Variants in PCDH9 observed in about 807,000 individuals in gnomAD.
The protein encoded by PCDH9 is protocadherin-9.
PCDH9 carries 24 observed loss-of-function variants against 70.6 expected under a neutral mutation model. That is an observed-to-expected ratio of 0.34 (90% CI 0.25 to 0.48). The LOEUF (loss-of-function observed/expected upper bound fraction) is 0.48. PCDH9 is among the 20% of genes least tolerant of loss of function. The pLI, the probability that PCDH9 is intolerant of heterozygous loss-of-function variation, is 0.99. For synonymous variants in PCDH9, 562 were observed against 558.5 expected (o/e 1.01, Z -0.09); for missense variants, 1,281 against 1,503.6 (o/e 0.85, Z 2.45).
At chr13:67,166,021 CT>C (rs1406765088) in intron 2 of PCDH9, among the ~76,000 whole-genome samples, 1 of 152,094 alleles carries the variant, frequency 6.6e-6, no homozygotes, top group Non-Finnish European at 1.5e-5. Flanking sequence ...CTTTCTAAAT[CT>C]TTTTTTCTCT....
chr13:67,080,409 G>A (rs2085960555), intron 2 of PCDH9, among the ~76,000 whole-genome samples: 2 of 152,114 alleles, frequency 1.3e-5, no homozygotes, highest in Non-Finnish European at 2.9e-5. Flanking sequence ...CAACTTTGGA[G>A]ATTCAATGAG....
intron 2 of PCDH9, among the ~76,000 whole-genome samples, chr13:67,176,920 G>T (rs2088476863): frequency 6.6e-6 from 1 of 151,924 alleles, no homozygotes; most frequent in African/African-American, 2.4e-5. Context: ...TTTGCTGTTG[G>T]GTAAGAAAGA....
Position 66,723,416 on chromosome 13 carries a change from A to G in PCDH9, c.3139-92005T>C, listed in dbSNP as rs2078967351. 2.0e-5 allele frequency among the ~76,000 whole-genome samples: 3 copies of G among 152,232 alleles called. No individual in the cohort carries two copies. The South Asian group carries it at 6.2e-4, about 31-fold the overall frequency. On this transcript the variant is annotated intron_variant, in intron 3 of 4. Transcript: ENST00000377865. The stretch of plus-strand genomic sequence containing the variant: ...AATTTTCAACAGGGCATAGCATTAC[A>G]TTTTACAAATTCAGGGAAGTGATAT...
intron 2 of PCDH9, among the ~76,000 whole-genome samples, chr13:66,963,860 TTATGA>T (rs1458911061): frequency 1.3e-5 from 2 of 152,132 alleles, no homozygotes; most frequent in Admixed American, 1.3e-4. Context: ...ATAGTAACAA[TTATGA>T]TAATGCAAAC....
intron 3 of PCDH9, among the ~76,000 whole-genome samples, chr13:66,724,084 A>C (rs1483832455): frequency 6.6e-6 from 1 of 152,236 alleles, no homozygotes; most frequent in Non-Finnish European, 1.5e-5. Flanking sequence ...TATCAAGTTG[A>C]GTGCGACCAG....
chr13:67,155,077 G>A (rs952775198), intron 2 of PCDH9, among the ~76,000 whole-genome samples: 1 of 151,932 alleles, frequency 6.6e-6, no homozygotes, highest in Non-Finnish European at 1.5e-5. Context: ...CTGTACAGAC[G>A]GTTTTCAATT....
intron 4 of PCDH9, among the ~76,000 whole-genome samples, chr13:66,586,449 C>T (rs1302938380): frequency 6.6e-6 from 1 of 151,952 alleles, no homozygotes; most frequent in Non-Finnish European, 1.5e-5. Flanking sequence ...CACCTATTTG[C>T]CTTTGCAGCA....
intron 3 of PCDH9, among the ~76,000 whole-genome samples, chr13:66,716,533 A>G (rs2078867940): frequency 6.6e-6 from 1 of 152,154 alleles, no homozygotes; most frequent in African/African-American, 2.4e-5. Flanking sequence ...GTAAATAAGG[A>G]GTCAGATCCC....
At chr13:67,057,488 A>G (rs2085446251) in intron 2 of PCDH9, among the ~76,000 whole-genome samples, 1 of 151,964 alleles carries the variant, frequency 6.6e-6, no homozygotes, top group Non-Finnish European at 1.5e-5. Flanking sequence ...TTTCCTGGGG[A>G]GGCATGGCAA....
chr13:66,998,933 C>A (rs1447295641), intron 2 of PCDH9, among the ~76,000 whole-genome samples: 1 of 152,142 alleles, frequency 6.6e-6, no homozygotes, highest in African/African-American at 2.4e-5. Context: ...TAAAGAGCAA[C>A]AAAATACTTC....
At chr13:66,971,519 T>C (rs901255942) in intron 2 of PCDH9, among the ~76,000 whole-genome samples, 6 of 152,032 alleles carry the variant, frequency 3.9e-5, no homozygotes, top group African/African-American at 1.4e-4. Context: ...CACAATATAA[T>C]CTTATTCTGA....
At chr13:66,332,753 G>A (rs1205937765) in intron 4 of PCDH9, among the ~76,000 whole-genome samples, 3 of 151,722 alleles carry the variant, frequency 2.0e-5, no homozygotes, top group African/African-American at 4.8e-5. Flanking sequence ...AGGAGAAGGG[G>A]ACAGAGCAGT....
At chr13:66,457,824 GA>G (rs1789806008) in intron 4 of PCDH9, among the ~76,000 whole-genome samples, 1 of 151,874 alleles carries the variant, frequency 6.6e-6, no homozygotes, top group African/African-American at 2.4e-5. Context: ...AGTTTTCCTT[GA>G]AAAAGTGTTG....
chr13:66,750,524 G>T (rs1429636105), intron 3 of PCDH9, among the ~76,000 whole-genome samples: 1 of 151,810 alleles, frequency 6.6e-6, no homozygotes. Flanking sequence ...CTTTGTGTTT[G>T]TGACAATGCA....
intron 4 of PCDH9, among the ~76,000 whole-genome samples, chr13:66,328,345 T>C (rs1955881369): frequency 3.9e-5 from 6 of 152,148 alleles, no homozygotes. Context: ...AACTAACGAT[T>C]ACCTTGACAC....
intron 2 of PCDH9, among the ~76,000 whole-genome samples, chr13:67,052,496 C>T (rs1002894004): frequency 2.0e-5 from 3 of 151,758 alleles, no homozygotes; most frequent in Admixed American, 2.0e-4. Context: ...GAAAAATCCA[C>T]GGGAAGTTTT....
chr13:66,329,599 T>C (rs1480373585), intron 4 of PCDH9, among the ~76,000 whole-genome samples: 1 of 152,194 alleles, frequency 6.6e-6, no homozygotes, highest in Non-Finnish European at 1.5e-5. Flanking sequence ...CTCTCTAACA[T>C]CTTTCCCTGT....
At chr13:67,141,446 T>C (rs1381221575) in intron 2 of PCDH9, among the ~76,000 whole-genome samples, 2 of 151,792 alleles carry the variant, frequency 1.3e-5, no homozygotes, top group Admixed American at 6.6e-5. Context: ...TATTTTATTA[T>C]TATTATTATT....
At chr13:67,209,626 A>T (rs2089428971) in intron 2 of PCDH9, 1 of 152,142 alleles carries the variant, frequency 6.6e-6, no homozygotes, top group African/African-American at 2.4e-5. Context: ...TTGAGTTATT[A>T]GACGAGTAAG....
Sources: allele counts gnomAD v4.1 joint callset (sites outside exome capture counted in the v4.1 genomes callset), GRCh38; gene constraint gnomAD v4.1.1; transcripts MANE v1.5; gene names NCBI Gene and HGNC (gene_info 2026-07-23, HGNC 2026-07-21).